Variants in CACNA1I observed in about 807,000 individuals in gnomAD.
The protein encoded by CACNA1I is voltage-dependent T-type calcium channel subunit alpha-1I.
CACNA1I carries 74 observed loss-of-function variants against 201.6 expected under a neutral mutation model. That is an observed-to-expected ratio of 0.37 (90% CI 0.30 to 0.45). CACNA1I has a LOEUF of 0.45. CACNA1I is among the 20% of genes least tolerant of loss of function. The pLI, the probability that CACNA1I is intolerant of heterozygous loss-of-function variation, is 1.00. For missense variants in CACNA1I, 2,346 were observed against 3,138.1 expected (o/e 0.75, Z 6.03); for synonymous variants, 1,431 against 1,345.2 (o/e 1.06, Z -1.40).
At chr22:39,641,293 C>T in intron 6 of CACNA1I, 111 bp downstream of exon 6, 1 of 874,210 alleles carries the variant, frequency 1.1e-6, no homozygotes, top group South Asian at 1.6e-5. Flanking sequence ...GAAACCTGCC[C>T]AGCTTGCTGG....
chr22:39,653,353 C>T (rs181697688), intron 10 of CACNA1I, among the ~76,000 whole-genome samples: 1 of 152,322 alleles, frequency 6.6e-6, no homozygotes, highest in East Asian at 1.9e-4. Context: ...CAGCCATGGT[C>T]TCCTGGGCTC....
intron 26 of CACNA1I, 107 bp from the exon 27 acceptor site, chr22:39,672,092 G>C (rs978231320): frequency 4.3e-6 from 3 of 695,202 alleles, no homozygotes; most frequent in Non-Finnish European, 7.8e-6. Flanking sequence ...TACACTAAAA[G>C]TAAATGGACT....
At position 39,670,438 on chromosome 22, in the gene CACNA1I, T is replaced by C. The variant is rs117267775; in HGVS notation, c.4387+208T>C. Among the ~76,000 whole-genome samples the C allele has an allele frequency of 7.9e-5, 12 of 152,330 alleles. No homozygotes were observed. The East Asian group carries it at 2.1e-3, about 27-fold the overall frequency. On this transcript the variant is annotated intron_variant, in intron 25 of 36. Coordinates refer to ENST00000402142, the MANE Select transcript of CACNA1I (RefSeq NM_021096.4). ...TCCAGAGTCCAATGGCTGACACCAC[T>C]GCCAACCTGAGTGAGGCTGTTGGGG...
rs1196269836 is a variant in CACNA1I at position 39,570,902 on chromosome 22, A to G, written c.150A>G (p.Pro50=). The G allele has an allele frequency of 3.7e-6, 6 of 1,613,726 alleles. No homozygotes were observed. In the Admixed American group the frequency reaches 1.0e-4, roughly 27 times the overall value. The change falls in exon 1 of 37, where the codon CCA becomes CCG. Residue 50 remains proline (P), a synonymous_variant. Transcript: ENST00000402142. ...EPLDGADPHV[P]HPDLAPIAFF... ...TGGATGGAGCTGATCCTCATGTCCC[A>G]CACCCAGACCTGGCGCCTATTGCCT...
At chr22:39,633,033 C>T (rs1934108107) in intron 4 of CACNA1I, among the ~76,000 whole-genome samples, 1 of 151,934 alleles carries the variant, frequency 6.6e-6, no homozygotes, top group Non-Finnish European at 1.5e-5. Flanking sequence ...GTTTGTGACG[C>T]AAATTCCAAA....
chr22:39,661,440 C>A, intron 16 of CACNA1I, 130 bp downstream of exon 16: 1 of 693,498 alleles, frequency 1.4e-6, no homozygotes, highest in Non-Finnish European at 2.3e-6. Flanking sequence ...GGGGCCATGT[C>A]TGTTGCATTC....
At chr22:39,680,778 T>C (rs1935679178) in intron 33 of CACNA1I, among the ~76,000 whole-genome samples, 152 bp from the exon 34 acceptor site, 1 of 152,106 alleles carries the variant, frequency 6.6e-6, no homozygotes, top group African/African-American at 2.4e-5. Flanking sequence ...CTGCACAGGA[T>C]GGACACATCA....
intron 6 of CACNA1I, among the ~76,000 whole-genome samples, chr22:39,641,824 G>C (rs1934358860): frequency 6.6e-6 from 1 of 152,166 alleles, no homozygotes; most frequent in Non-Finnish European, 1.5e-5. Flanking sequence ...TAGGGCAGTG[G>C]ACCTTGGCCA....
intron 3 of CACNA1I, among the ~76,000 whole-genome samples, chr22:39,618,695 G>A (rs966118476): frequency 6.6e-6 from 1 of 151,710 alleles, no homozygotes; most frequent in South Asian, 2.1e-4. Flanking sequence ...AAGTCCTGGG[G>A]TGGGAGGTGC....
At chr22:39,635,939 ATC>A (rs1165541600) in intron 5 of CACNA1I, among the ~76,000 whole-genome samples, 1 of 151,382 alleles carries the variant, frequency 6.6e-6, no homozygotes, top group East Asian at 2.0e-4. Flanking sequence ...TTCTTGACTC[ATC>A]TCTCTGAAAT....
At chr22:39,603,945 T>A (rs1448984349) in intron 3 of CACNA1I, among the ~76,000 whole-genome samples, 1 of 152,202 alleles carries the variant, frequency 6.6e-6, no homozygotes, top group African/African-American at 2.4e-5. Flanking sequence ...AAAATGTAAT[T>A]TCATAGCATC....
chr22:39,613,743 T>C (rs1044567474), intron 3 of CACNA1I, among the ~76,000 whole-genome samples: 4 of 152,284 alleles, frequency 2.6e-5, no homozygotes, highest in African/African-American at 9.6e-5. Context: ...GGCGCTGGCC[T>C]GCTCCGGCCT....
chr22:39,640,774 C>A, intron 5 of CACNA1I, 93 bp from the exon 6 acceptor site: 1 of 1,064,936 alleles, frequency 9.4e-7, no homozygotes, highest in Non-Finnish European at 1.4e-6. Context: ...GTGACAAGGC[C>A]ATCCTGCTAT....
rs137918159 is a variant in CACNA1I at position 39,606,351 on chromosome 22, A to G, written c.482+5698A>G. On this transcript the variant is annotated intron_variant, in intron 3 of 36. Coordinates refer to ENST00000402142, the MANE Select transcript of CACNA1I (RefSeq NM_021096.4). ...AACCCACGTGAAAAACTTTGCACTT[A>G]CTGCTGTTGAGTTCATCTCACCGTG... Among the ~76,000 whole-genome samples the G allele has an allele frequency of 3.9e-5, 6 of 152,248 alleles. No individual in the cohort carries two copies. In the South Asian group the frequency reaches 1.0e-3, roughly 26 times the overall value.
intron 10 of CACNA1I, among the ~76,000 whole-genome samples, chr22:39,656,150 A>G (rs1230213891): frequency 6.6e-6 from 1 of 152,152 alleles, no homozygotes; most frequent in Non-Finnish European, 1.5e-5. Context: ...TTCTCCTTTC[A>G]TCTGGGCTTG....
At chr22:39,657,071 G>T (rs941714278) in intron 10 of CACNA1I, among the ~76,000 whole-genome samples, 4 of 152,184 alleles carry the variant, frequency 2.6e-5, no homozygotes, top group African/African-American at 9.7e-5. Context: ...CTAAACTCCA[G>T]AGGAGGGGGG....
intron 1 of CACNA1I, among the ~76,000 whole-genome samples, chr22:39,586,972 A>T (rs1355944501): frequency 6.6e-6 from 1 of 152,124 alleles, no homozygotes; most frequent in Non-Finnish European, 1.5e-5. Context: ...GCCCACAGAC[A>T]GTGGGACCCT....
At chr22:39,576,011 G>A (rs1204278739) in intron 1 of CACNA1I, among the ~76,000 whole-genome samples, 1 of 152,084 alleles carries the variant, frequency 6.6e-6, no homozygotes, top group Non-Finnish European at 1.5e-5. Flanking sequence ...CTGACCTCAA[G>A]TGATCTGCCC....
intron 1 of CACNA1I, among the ~76,000 whole-genome samples, chr22:39,576,829 C>G (rs1438602209): frequency 6.6e-6 from 1 of 152,232 alleles, no homozygotes; most frequent in African/African-American, 2.4e-5. Flanking sequence ...TCTGTGCCTT[C>G]GTGTTCCTGG....
Sources: gnomAD v4.1 joint callset for allele counts (sites outside exome capture counted in the v4.1 genomes callset) on GRCh38, gnomAD v4.1.1 for gene constraint, MANE v1.5 for transcripts, NCBI Gene and HGNC (gene_info 2026-07-23, HGNC 2026-07-21) for gene names.